The following TMEM178B variants were observed in gnomAD, a reference collection of about 807,000 sequenced individuals.
The protein encoded by TMEM178B is transmembrane protein 178B.
In TMEM178B, 5 loss-of-function variants were observed where a neutral mutation model predicts 31.0. That is an observed-to-expected ratio of 0.16 (90% CI 0.08 to 0.34). The LOEUF (loss-of-function observed/expected upper bound fraction) is 0.34. Among genes scored for constraint, TMEM178B ranks in the 10% least tolerant of loss-of-function variants. The probability of loss-of-function intolerance (pLI) is 1.00; values close to 1 mark genes in which losing one functional copy is unlikely to be tolerated. For synonymous variants in TMEM178B, 164 were observed against 164.0 expected, an observed-to-expected ratio of 1.00 and a Z score of 0.00; for missense variants, 275 against 400.3, an observed-to-expected ratio of 0.69 and a Z score of 2.67.
intron 2 of TMEM178B, among the ~76,000 whole-genome samples, chr7:141,336,393 G>C (rs1388205614): frequency 6.6e-6 from 1 of 152,156 alleles, no homozygotes; most frequent in Admixed American, 6.5e-5. Flanking sequence ...GCTTTTCAGA[G>C]ATCAGTCAGG....
At chr7:141,264,745 T>C (rs990528107) in intron 2 of TMEM178B, among the ~76,000 whole-genome samples, 1 of 152,154 alleles carries the variant, frequency 6.6e-6, no homozygotes, top group African/African-American at 2.4e-5. Context: ...TGAATTAAGG[T>C]CACAGTTGGA....
intron 2 of TMEM178B, among the ~76,000 whole-genome samples, chr7:141,432,146 CTTTTTTTTTTTTTTTT>C (rs71170797): frequency 2.5e-5 from 2 of 79,082 alleles, no homozygotes; most frequent in African/African-American, 1.0e-4. Context: ...TTCACTGCAT[CTTTTTTTTTTTTTTTT>C]TTTTTTTTTT....
At chr7:141,216,591 G>T (rs1408075501) in intron 2 of TMEM178B, among the ~76,000 whole-genome samples, 1 of 151,966 alleles carries the variant, frequency 6.6e-6, no homozygotes, top group Non-Finnish European at 1.5e-5. Context: ...TGTGGATGAG[G>T]TTCAAATGCT....
intron 1 of TMEM178B, among the ~76,000 whole-genome samples, chr7:141,116,804 A>G (rs1795326689): frequency 6.6e-6 from 1 of 152,082 alleles, no homozygotes; most frequent in African/African-American, 2.4e-5. Flanking sequence ...GCTGAGAATG[A>G]TGGTTTCCAG....
chr7:141,482,013 C>G (rs1379092037), downstream of TMEM178B, among the ~76,000 whole-genome samples: 2 of 152,186 alleles, frequency 1.3e-5, no homozygotes, highest in African/African-American at 4.8e-5. Context: ...CCCCGATGCT[C>G]TGTGGACAGC....
intron 3 of TMEM178B, among the ~76,000 whole-genome samples, chr7:141,452,977 A>G (rs1801896428): frequency 6.6e-6 from 1 of 152,218 alleles, no homozygotes; most frequent in Non-Finnish European, 1.5e-5. Context: ...CAGGTGTTCC[A>G]GTCACCCCAG....
At chr7:141,162,283 CAT>C (rs1796188962) in intron 1 of TMEM178B, among the ~76,000 whole-genome samples, 1 of 152,220 alleles carries the variant, frequency 6.6e-6, no homozygotes, top group Non-Finnish European at 1.5e-5. Flanking sequence ...TTGTTCCGCT[CAT>C]GTTTTACATC....
chr7:141,354,597 G>A (rs746013685), intron 2 of TMEM178B, among the ~76,000 whole-genome samples: 5 of 152,112 alleles, frequency 3.3e-5, no homozygotes, highest in Admixed American at 2.0e-4. Context: ...GTATTCTTTC[G>A]TATCCCCTTC....
chr7:141,248,275 G>T (rs1032847122), intron 2 of TMEM178B, among the ~76,000 whole-genome samples: 2 of 152,180 alleles, frequency 1.3e-5, no homozygotes, highest in South Asian at 2.1e-4. Flanking sequence ...GTCAGGTGTG[G>T]TGGCAGGCGC....
intron 2 of TMEM178B, among the ~76,000 whole-genome samples, chr7:141,424,668 C>T (rs1801281247): frequency 6.6e-6 from 1 of 152,078 alleles, no homozygotes; most frequent in African/African-American, 2.4e-5. Context: ...ATATCACAAC[C>T]CAAAAAAGCC....
rs112184004 is a variant in TMEM178B, at chr7:141,120,799, T to TA, written c.382+46112dup. Among the ~76,000 whole-genome samples, 1,293 of 148,738 alleles carry TA rather than the reference T, an allele frequency of 8.7e-3. 15 individuals carry two copies. The highest frequency in any genetic ancestry group is 0.028 in the African/African-American group (1,163 of 40,922). On this transcript the variant is annotated intron_variant, in intron 1 of 3. Transcript: ENST00000565468. ...AGCAAGACCCTATCTCTACAAAAAA[T>TA]AAAAATAAAATAGCTGGATATGGTG...
intron 2 of TMEM178B, among the ~76,000 whole-genome samples, chr7:141,250,720 A>T (rs944002160): frequency 1.3e-5 from 2 of 152,100 alleles, no homozygotes; most frequent in Non-Finnish European, 2.9e-5. Context: ...TTCTTCTCTC[A>T]TCCCCCCTTC....
chr7:141,379,445 A>G (rs529513335), intron 2 of TMEM178B, among the ~76,000 whole-genome samples: 5 of 152,184 alleles, frequency 3.3e-5, no homozygotes, highest in African/African-American at 7.2e-5. Context: ...TGATCATGCC[A>G]TTACATTCCA....
intron 1 of TMEM178B, among the ~76,000 whole-genome samples, chr7:141,210,412 G>A (rs1470019125): frequency 1.3e-5 from 2 of 152,072 alleles, no homozygotes; most frequent in Non-Finnish European, 2.9e-5. Context: ...GTGGTGAGCC[G>A]AGATCGCGCC....
intron 1 of TMEM178B, among the ~76,000 whole-genome samples, chr7:141,141,279 C>T (rs1433817299): frequency 1.3e-5 from 2 of 150,002 alleles, no homozygotes; most frequent in Non-Finnish European, 2.9e-5. Context: ...GACTTTGCCC[C>T]ATCAATTTTT....
chr7:141,427,327 A>G (rs895196953), intron 2 of TMEM178B, among the ~76,000 whole-genome samples: 1 of 152,212 alleles, frequency 6.6e-6, no homozygotes, highest in Non-Finnish European at 1.5e-5. Context: ...GCAAAACTAT[A>G]GTAATCAAAA....
chr7:141,356,511 T>C (rs2116539197), intron 2 of TMEM178B, among the ~76,000 whole-genome samples: 1 of 152,238 alleles, frequency 6.6e-6, no homozygotes, highest in East Asian at 1.9e-4. Flanking sequence ...TGGTCGCTTA[T>C]GTGTAGTCTT....
chr7:141,372,626 GT>G (rs1313115075), intron 2 of TMEM178B, among the ~76,000 whole-genome samples: 1 of 152,156 alleles, frequency 6.6e-6, no homozygotes, highest in African/African-American at 2.4e-5. Flanking sequence ...ATCTATATGG[GT>G]TTTATAAGGG....
At chr7:141,449,115 C>T (rs1345089203) in intron 3 of TMEM178B, among the ~76,000 whole-genome samples, 1 of 152,196 alleles carries the variant, frequency 6.6e-6, no homozygotes, top group Non-Finnish European at 1.5e-5. Context: ...TTTCAAAAGT[C>T]TCCCTCTCCG....
Sources: allele counts gnomAD v4.1 joint callset (sites outside exome capture counted in the v4.1 genomes callset), GRCh38; gene constraint gnomAD v4.1.1; transcripts MANE v1.5; gene names NCBI Gene and HGNC (gene_info 2026-07-23, HGNC 2026-07-21).